Variants in EYS observed in about 807,000 individuals in gnomAD.
The protein encoded by EYS is EGF-like photoreceptor maintenance factor.
In EYS, 250 loss-of-function variants were observed where a neutral mutation model predicts 282.1. The ratio of observed to expected loss-of-function variants is 0.89; its 90% CI spans 0.80 to 0.98. EYS has a LOEUF of 0.98. Ranked by LOEUF, EYS falls within the 50% of genes least tolerant of loss-of-function variation. The probability of loss-of-function intolerance (pLI) is 0.00; values close to 1 mark genes in which losing one functional copy is unlikely to be tolerated. For missense variants in EYS, 4,016 were observed against 3,709.0 expected (o/e 1.08, Z -2.15); for synonymous variants, 1,355 against 1,282.9 (o/e 1.06, Z -1.20).
At chr6:63,781,190 C>T (rs996813811) in intron 39 of EYS, among the ~76,000 whole-genome samples, 8 of 152,174 alleles carry the variant, frequency 5.3e-5, no homozygotes, top group Admixed American at 3.9e-4. Flanking sequence ...CGTGATGCCT[C>T]CAGGTTTGTC....
chr6:64,513,530 C>T (rs1777470229), intron 26 of EYS, among the ~76,000 whole-genome samples: 1 of 151,808 alleles, frequency 6.6e-6, no homozygotes, highest in South Asian at 2.1e-4. Context: ...ATTTTACTGT[C>T]CCTACAACAA....
intron 5 of EYS, among the ~76,000 whole-genome samples, chr6:65,415,765 G>T (rs1412436371): frequency 1.3e-5 from 2 of 152,162 alleles, no homozygotes; most frequent in East Asian, 1.9e-4. Flanking sequence ...AATGAAAGGG[G>T]TGGAAGTTTG....
At chr6:64,803,477 T>C (rs1475995763) in intron 22 of EYS, among the ~76,000 whole-genome samples, 1 of 152,078 alleles carries the variant, frequency 6.6e-6, no homozygotes, top group Non-Finnish European at 1.5e-5. Context: ...AATCCCAAAG[T>C]AGACTCCACC....
intron 22 of EYS, among the ~76,000 whole-genome samples, chr6:64,764,337 C>G (rs185119168): frequency 1.3e-5 from 2 of 152,350 alleles, no homozygotes; most frequent in African/African-American, 4.8e-5. Context: ...GCAGGCCCAA[C>G]ACCACGTGGA....
rs558324687 is a variant in EYS at position 64,315,793 on chromosome 6, A to G, written c.6079-8711T>C. On this transcript the variant is annotated intron_variant, in intron 29 of 42. Transcript: ENST00000503581. ...AAGAACATTTCAGGCCAATATCCCT[A>G]TGAACATCGATGAGAAAACCCTCAA... is the stretch of plus-strand genomic sequence containing the variant. Among the ~76,000 whole-genome samples the G allele has an allele frequency of 4.6e-5, 7 of 151,656 alleles. No homozygotes were observed. In the East Asian group the frequency reaches 5.8e-4, roughly 13 times the overall value.
intron 1 of EYS, among the ~76,000 whole-genome samples, chr6:65,693,378 A>G (rs542272707): frequency 6.8e-6 from 1 of 146,186 alleles, no homozygotes; most frequent in Admixed American, 7.1e-5. Context: ...CAGCCCTCAA[A>G]AGCAAACAAT....
intron 37 of EYS, among the ~76,000 whole-genome samples, chr6:63,801,448 G>C (rs1018638960): frequency 1.3e-5 from 2 of 152,126 alleles, no homozygotes; most frequent in African/African-American, 4.8e-5. Flanking sequence ...CCAAATGAAT[G>C]AAAGGGAAAA....
chr6:64,488,544 CA>C (rs1276698073), intron 26 of EYS, among the ~76,000 whole-genome samples: 1 of 150,970 alleles, frequency 6.6e-6, no homozygotes, highest in African/African-American at 2.4e-5. Context: ...CTGCCATATG[CA>C]AATGCAAATA....
At chr6:64,830,297 TA>T (rs1765176346) in intron 19 of EYS, among the ~76,000 whole-genome samples, 1 of 151,958 alleles carries the variant, frequency 6.6e-6, no homozygotes, top group African/African-American at 2.4e-5. Context: ...CTACCCAGTC[TA>T]CGGGATTTTG....
intron 22 of EYS, among the ~76,000 whole-genome samples, chr6:64,697,338 C>G (rs1396346595): frequency 6.6e-6 from 1 of 152,002 alleles, no homozygotes; most frequent in Non-Finnish European, 1.5e-5. Flanking sequence ...ATCAATATAA[C>G]AACCCAAAAT....
chr6:63,812,752 T>C (rs1771080866), intron 36 of EYS, among the ~76,000 whole-genome samples: 2 of 152,140 alleles, frequency 1.3e-5, no homozygotes, highest in South Asian at 2.1e-4. Flanking sequence ...TCTGCACTTA[T>C]AGAGCTACTG....
rs187523563 is a variant in EYS, at chr6:65,005,184, G to T, written c.2138-7481C>A. ...TCCCTTGAGATCTGGCAGGATGTCC[G>T]CTGTGCTCCTGATCCAGCGAGGCGC... On this transcript the variant is annotated intron_variant, in intron 13 of 42. Transcript: ENST00000503581. Among the ~76,000 whole-genome samples the T allele has an allele frequency of 1.4e-5, 2 of 147,968 alleles. 1 individual carries two copies. Among genetic ancestry groups the T allele is most frequent in the Non-Finnish European group, 3.0e-5 (2 of 66,016 alleles).
intron 31 of EYS, among the ~76,000 whole-genome samples, chr6:64,098,901 C>A (rs1187906382): frequency 1.3e-5 from 2 of 152,088 alleles, no homozygotes; most frequent in African/African-American, 4.8e-5. Context: ...CTGCACCTGG[C>A]CGTAATGTTT....
At chr6:65,506,486 T>C (rs1287195820) in intron 2 of EYS, among the ~76,000 whole-genome samples, 3 of 37,664 alleles carry the variant, frequency 8.0e-5, no homozygotes, top group South Asian at 1.0e-3. Context: ...TTTTTTTTTT[T>C]TTTTTTTTTT....
intron 22 of EYS, among the ~76,000 whole-genome samples, chr6:64,712,777 A>G (rs1286554642): frequency 6.6e-6 from 1 of 152,200 alleles, no homozygotes; most frequent in African/African-American, 2.4e-5. Flanking sequence ...ATCTCAAAGC[A>G]TGGAAAGGCT....
chr6:64,426,028 A>C (rs1000458286), intron 28 of EYS, among the ~76,000 whole-genome samples: 1 of 152,330 alleles, frequency 6.6e-6, no homozygotes, highest in East Asian at 1.9e-4. Context: ...AATTCATAAG[A>C]AAGTTCTATG....
chr6:64,371,338 C>A, intron 29 of EYS, among the ~76,000 whole-genome samples: 1 of 119,946 alleles, frequency 8.3e-6, no homozygotes, highest in South Asian at 2.6e-4. Context: ...TTTTTTTTTG[C>A]ATTGGTTTCT....
At chr6:65,157,518 G>C (rs1393949637) in intron 12 of EYS, among the ~76,000 whole-genome samples, 1 of 150,574 alleles carries the variant, frequency 6.6e-6, no homozygotes, top group Non-Finnish European at 1.5e-5. Flanking sequence ...AACATAAAAA[G>C]ATATTTGTTG....
intron 26 of EYS, among the ~76,000 whole-genome samples, chr6:64,465,300 G>A (rs1775882453): frequency 6.6e-6 from 1 of 151,992 alleles, no homozygotes; most frequent in African/African-American, 2.4e-5. Flanking sequence ...ATCCTGGATA[G>A]CCAAAGCAAA....
Sources: allele counts gnomAD v4.1 joint callset (sites outside exome capture counted in the v4.1 genomes callset), GRCh38; gene constraint gnomAD v4.1.1; transcripts MANE v1.5; gene names NCBI Gene and HGNC (gene_info 2026-07-23, HGNC 2026-07-21).